GPC4: variants seen among roughly 807,000 people sequenced by gnomAD.
GPC4 encodes the protein glypican-4.
GPC4 carries 10 observed loss-of-function variants against 35.0 expected under a neutral mutation model. The observed-to-expected ratio is 0.29, with a 90% CI of 0.18 to 0.48. GPC4 has a LOEUF of 0.48. Among genes scored for constraint, GPC4 ranks in the 20% least tolerant of loss-of-function variants. The probability of loss-of-function intolerance (pLI) is 0.99; values close to 1 mark genes in which losing one functional copy is unlikely to be tolerated. For missense variants in GPC4, 322 were observed against 451.3 expected (o/e 0.71, Z 2.60); for synonymous variants, 167 against 170.2 (o/e 0.98, Z 0.15).
chrX:133,341,503 G>A (rs185193651), intron 1 of GPC4, among the ~76,000 whole-genome samples: 31 of 111,021 alleles, frequency 2.8e-4, no homozygotes, highest in Non-Finnish European at 5.7e-4. Context: ...ATTCCATTGT[G>A]GTATGCATGA....
intron 4 of GPC4, among the ~76,000 whole-genome samples, chrX:133,308,184 A>G (rs189293751): frequency 8.9e-6 from 1 of 112,062 alleles, no homozygotes; most frequent in East Asian, 2.8e-4. Flanking sequence ...GAGAAAGCCA[A>G]AGATGATTGG....
chrX:133,319,081 C>G (rs937951602), intron 3 of GPC4, among the ~76,000 whole-genome samples: 11 of 111,927 alleles, frequency 9.8e-5, no homozygotes, highest in African/African-American at 3.6e-4. Flanking sequence ...CATCCACTCA[C>G]GAAGAGAAAG....
At chrX:133,340,726 A>G in intron 1 of GPC4, among the ~76,000 whole-genome samples, 1 of 112,201 alleles carries the variant, frequency 8.9e-6, no homozygotes, top group Middle Eastern at 4.7e-3. Flanking sequence ...TTGAGCTGGC[A>G]ATTTATTTGA....
chrX:133,324,036 A>G (rs2068378953), intron 3 of GPC4, 109 bp downstream of exon 3: 2 of 865,108 alleles, frequency 2.3e-6, no homozygotes, highest in Non-Finnish European at 3.2e-6. Context: ...AAAGGCTGCC[A>G]TTGAACCAAC....
chrX:133,370,955 C>T (rs2068610424), intron 1 of GPC4, among the ~76,000 whole-genome samples: 1 of 112,022 alleles, frequency 8.9e-6, no homozygotes, highest in South Asian at 3.7e-4. Flanking sequence ...ATCCTTAATG[C>T]TTTTGTTTCA....
At chrX:133,363,925 A>C (rs971699938) in intron 1 of GPC4, among the ~76,000 whole-genome samples, 1 of 112,122 alleles carries the variant, frequency 8.9e-6, no homozygotes, top group Admixed American at 9.5e-5. Context: ...ACATAAAAAG[A>C]TTCATGCATA....
chrX:133,339,021 G>A (rs747805455), intron 2 of GPC4, among the ~76,000 whole-genome samples, 162 bp downstream of exon 2: 18 of 111,275 alleles, frequency 1.6e-4, no homozygotes, highest in Admixed American at 3.8e-4. Flanking sequence ...CAGTGCATCC[G>A]GAAGTATTCT....
At chrX:133,365,110 G>A (rs2068584466) in intron 1 of GPC4, among the ~76,000 whole-genome samples, 1 of 111,667 alleles carries the variant, frequency 9.0e-6, no homozygotes, top group Admixed American at 9.5e-5. Flanking sequence ...TACAGCTGTG[G>A]AATTTTAGCT....
intron 1 of GPC4, among the ~76,000 whole-genome samples, chrX:133,371,606 T>C (rs1391556926): frequency 9.0e-6 from 1 of 111,695 alleles, no homozygotes; most frequent in Non-Finnish European, 1.9e-5. Flanking sequence ...TAAATATAAA[T>C]AAAGCCATCT....
At chrX:133,321,561 T>C (rs2068364609) in intron 3 of GPC4, among the ~76,000 whole-genome samples, 1 of 112,544 alleles carries the variant, frequency 8.9e-6, no homozygotes, top group East Asian at 2.8e-4. Flanking sequence ...CACATGCACA[T>C]GCATGCACAG....
At chrX:133,377,910 T>A (rs2068642561) in intron 1 of GPC4, among the ~76,000 whole-genome samples, 1 of 102,621 alleles carries the variant, frequency 9.7e-6, no homozygotes, top group Non-Finnish European at 2.0e-5. Flanking sequence ...TTTTTTTGCT[T>A]TTGATTCAGG....
intron 1 of GPC4, among the ~76,000 whole-genome samples, chrX:133,377,916 T>TGA (rs2068642796): frequency 1.2e-5 from 1 of 82,215 alleles, no homozygotes; most frequent in South Asian, 7.3e-4. Flanking sequence ...TGCTTTTGAT[T>TGA]CAGGCTCTCG....
intron 1 of GPC4, among the ~76,000 whole-genome samples, chrX:133,381,630 A>G (rs1235815686): frequency 8.9e-6 from 1 of 112,528 alleles, no homozygotes; most frequent in African/African-American, 3.2e-5. Flanking sequence ...TCAAGGTCAC[A>G]TGCCATATGT....
intron 1 of GPC4, among the ~76,000 whole-genome samples, chrX:133,370,347 T>C (rs938945236): frequency 3.6e-5 from 4 of 112,148 alleles, no homozygotes; most frequent in African/African-American, 1.3e-4. Flanking sequence ...AAGAATTGGT[T>C]AAGACTTCCA....
intron 1 of GPC4, among the ~76,000 whole-genome samples, chrX:133,394,911 T>A (rs1447755600): frequency 1.8e-5 from 2 of 111,891 alleles, no homozygotes; most frequent in African/African-American, 6.5e-5. Flanking sequence ...AGCTGTTTAG[T>A]GTCATTTACG....
At chrX:133,318,182 C>A (rs1394583578) in intron 3 of GPC4, among the ~76,000 whole-genome samples, 1 of 111,989 alleles carries the variant, frequency 8.9e-6, no homozygotes, top group African/African-American at 3.2e-5. Context: ...TTCCTCTTTG[C>A]AATTCTAGAT....
At chrX:133,311,209 G>A (rs757164941) in intron 4 of GPC4, 49 bp downstream of exon 4, 39 of 1,139,245 alleles carry the variant, frequency 3.4e-5, no homozygotes, top group Non-Finnish European at 3.7e-5. Flanking sequence ...CCTTGTGACT[G>A]GAAGCTAAGC....
chrX:133,333,138 A>C lies in GPC4; in HGVS notation c.319+6045T>G, dbSNP rs748518613. Among the ~76,000 whole-genome samples, 3 of 112,615 alleles carry C rather than the reference A, an allele frequency of 2.7e-5. No individual in the cohort carries two copies. The Admixed American group carries it at 2.8e-4, about 11-fold the overall frequency. ...ATCGGTTGGAGTCAGTGCTAGATCA[A>C]CTAAGCCCTGTTCTTTGCCTGGACA... On this transcript the variant is annotated intron_variant, in intron 2 of 8. Transcript: ENST00000370828.
At position 133,302,170 on chromosome X, in the gene GPC4, G is replaced by A. The variant is rs749380081; in HGVS notation, c.*697C>T. ...GCTTATGTAATTCAACTCATTCAAA[G>A]CAGTAGTCTGCAGTCTCTTCCAACT... On this transcript the variant is annotated 3_prime_UTR_variant, in exon 9 of 9. Coordinates refer to ENST00000370828, the MANE Select transcript of GPC4 (RefSeq NM_001448.3). The A allele has an allele frequency of 8.9e-6, 1 of 112,410 alleles. No individual in the cohort carries two copies. The highest frequency in any genetic ancestry group is 9.5e-5 in the Admixed American group (1 of 10,536). 9.3% of individuals were successfully genotyped at this position (112,410 alleles called of 1,213,427 possible).
Sources: allele counts gnomAD v4.1 joint callset (sites outside exome capture counted in the v4.1 genomes callset), GRCh38; gene constraint gnomAD v4.1.1; transcripts MANE v1.5; gene names NCBI Gene and HGNC (gene_info 2026-07-23, HGNC 2026-07-21).